Variants in GALNT13 observed in about 807,000 individuals in gnomAD.
GALNT13 encodes the protein UDP-GalNAc:polypeptide N-acetylgalactosaminyltransferase 13.
Under a neutral mutation model 64.2 loss-of-function variants are expected in GALNT13, and 28 were observed. That is an observed-to-expected ratio of 0.44 (90% CI 0.32 to 0.60). The LOEUF is 0.60. Ranked by LOEUF, GALNT13 falls within the 20% of genes least tolerant of loss-of-function variation. The pLI is 0.05. For synonymous variants in GALNT13, 214 were observed against 224.6 expected, an observed-to-expected ratio of 0.95 and a Z score of 0.42; for missense variants, 577 against 669.8, an observed-to-expected ratio of 0.86 and a Z score of 1.53.
the GALNT13 span, among the ~76,000 whole-genome samples, chr2:153,790,005 C>A: frequency 6.6e-6 from 1 of 152,120 alleles, no homozygotes; most frequent in Admixed American, 6.6e-5. Flanking sequence ...ACCAGATGTA[C>A]AAAGAAGAGC....
chr2:154,338,803 G>A (rs1474776108), intron 9 of GALNT13, among the ~76,000 whole-genome samples: 2 of 152,008 alleles, frequency 1.3e-5, no homozygotes, highest in Admixed American at 1.3e-4. Flanking sequence ...GGGTAGTTAA[G>A]GTGTGGGCTC....
At chr2:153,489,272 A>G in the GALNT13 span, among the ~76,000 whole-genome samples, 531 of 152,352 alleles carry the variant, frequency 3.5e-3, 2 homozygotes, top group Middle Eastern at 0.024. Flanking sequence ...TCCTAAATCT[A>G]TAAAAAACAA....
chr2:153,074,958 C>T, the GALNT13 span, among the ~76,000 whole-genome samples: 1 of 152,116 alleles, frequency 6.6e-6, no homozygotes, highest in Non-Finnish European at 1.5e-5. Context: ...GTCTGGAACT[C>T]CTGGCATCAA....
At chr2:154,225,160 T>TGATAGACAGATA (rs1688541837) in intron 4 of GALNT13, among the ~76,000 whole-genome samples, 1 of 137,906 alleles carries the variant, frequency 7.3e-6, no homozygotes, top group Non-Finnish European at 1.6e-5. Context: ...GATAGATAGA[T>TGATAGACAGATA]GATAGATAGA....
At chr2:153,177,383 G>A in the GALNT13 span, among the ~76,000 whole-genome samples, 5 of 152,006 alleles carry the variant, frequency 3.3e-5, no homozygotes, top group African/African-American at 4.8e-5. Context: ...AGGAAGAAAA[G>A]GGCATATACA....
At chr2:153,181,701 T>G in the GALNT13 span, among the ~76,000 whole-genome samples, 23 of 145,780 alleles carry the variant, frequency 1.6e-4, no homozygotes, top group African/African-American at 5.0e-4. Context: ...ATAATTATAT[T>G]ACATAAATAT....
chr2:153,411,842 G>T, the GALNT13 span, among the ~76,000 whole-genome samples: 1 of 152,158 alleles, frequency 6.6e-6, no homozygotes, highest in Admixed American at 6.5e-5. Flanking sequence ...GGTTAATACT[G>T]AGTGTCAACT....
chr2:153,572,848 T>C, the GALNT13 span, among the ~76,000 whole-genome samples: 1 of 151,968 alleles, frequency 6.6e-6, no homozygotes, highest in African/African-American at 2.4e-5. Context: ...AAGACTTCTT[T>C]TGTGACCTAA....
the GALNT13 span, among the ~76,000 whole-genome samples, chr2:153,312,791 C>A: frequency 6.6e-6 from 1 of 152,266 alleles, no homozygotes; most frequent in African/African-American, 2.4e-5. Flanking sequence ...TATGTTCAAA[C>A]TGGCTTTAGC....
chr2:153,577,197 A>G, the GALNT13 span, among the ~76,000 whole-genome samples: 14 of 152,286 alleles, frequency 9.2e-5, no homozygotes, highest in South Asian at 2.9e-3. Context: ...AAAGAATGAA[A>G]TGTTTAAGGT....
chr2:153,889,211 A>G (rs113955703), intron 1 of GALNT13, among the ~76,000 whole-genome samples: 1 of 151,942 alleles, frequency 6.6e-6, no homozygotes, highest in African/African-American at 2.4e-5. Flanking sequence ...ATCTTATTTC[A>G]TAATTCAGAT....
At chr2:153,405,373 C>T in the GALNT13 span, among the ~76,000 whole-genome samples, 1 of 152,158 alleles carries the variant, frequency 6.6e-6, no homozygotes, top group South Asian at 2.1e-4. Context: ...GAAATGCATG[C>T]ACAGGCATGC....
chr2:153,785,689 C>T, the GALNT13 span, among the ~76,000 whole-genome samples: 1 of 152,056 alleles, frequency 6.6e-6, no homozygotes, highest in Admixed American at 6.5e-5. Context: ...CTGCCATAAG[C>T]TTGGGGGCCT....
chr2:154,287,329 T>C (rs1692327558), intron 8 of GALNT13: 1 of 616,374 alleles, frequency 1.6e-6, no homozygotes. Context: ...GCTGTGTAAG[T>C]TGGAAGCAGC....
intron 9 of GALNT13, among the ~76,000 whole-genome samples, chr2:154,318,898 CAT>C (rs1694470702): frequency 6.6e-6 from 1 of 151,956 alleles, no homozygotes; most frequent in Non-Finnish European, 1.5e-5. Context: ...CACGCACACA[CAT>C]ATATATACAA....
chr2:154,168,832 ACT>A (rs1685187212), intron 4 of GALNT13, among the ~76,000 whole-genome samples: 1 of 151,888 alleles, frequency 6.6e-6, no homozygotes, highest in Non-Finnish European at 1.5e-5. Context: ...ACAGTGTGAG[ACT>A]CTGTCTCAAA....
the GALNT13 span, among the ~76,000 whole-genome samples, chr2:153,127,085 A>G: frequency 6.6e-6 from 1 of 152,190 alleles, no homozygotes; most frequent in African/African-American, 2.4e-5. Context: ...ACAAGCTACA[A>G]AAAAATCTTT....
chr2:153,262,809 T>A, the GALNT13 span, among the ~76,000 whole-genome samples: 2 of 151,956 alleles, frequency 1.3e-5, no homozygotes, highest in African/African-American at 4.8e-5. Flanking sequence ...CTCAAAATAA[T>A]AAGAGCCATT....
the GALNT13 span, among the ~76,000 whole-genome samples, chr2:153,585,638 G>A: frequency 4.6e-5 from 7 of 152,224 alleles, no homozygotes; most frequent in South Asian, 1.4e-3. Flanking sequence ...TAATCAGACT[G>A]TCTGAAGTCA....
Sources: allele counts gnomAD v4.1 joint callset (sites outside exome capture counted in the v4.1 genomes callset), GRCh38; gene constraint gnomAD v4.1.1; transcripts MANE v1.5; gene names NCBI Gene and HGNC (gene_info 2026-07-23, HGNC 2026-07-21).